THNSL2: variants seen among roughly 807,000 people sequenced by gnomAD.
THNSL2 encodes the protein threonine synthase like 2.
In THNSL2, 34 loss-of-function variants were observed where a neutral mutation model predicts 40.0. That is an observed-to-expected ratio of 0.85 (90% confidence interval 0.65 to 1.13). THNSL2 has a LOEUF of 1.13. Among genes scored for constraint, THNSL2 ranks in the 50% most tolerant of loss-of-function variants. The pLI, the probability that THNSL2 is intolerant of heterozygous loss-of-function variation, is 0.00. For missense variants in THNSL2, 537 were observed against 608.8 expected, an observed-to-expected ratio of 0.88 and a Z score of 1.24; for synonymous variants, 241 against 247.5, an observed-to-expected ratio of 0.97 and a Z score of 0.25.
chr2:88,175,448 A>G (rs369425655), intron 4 of THNSL2, 47 bp downstream of exon 4: 3 of 1,597,874 alleles, frequency 1.9e-6, no homozygotes, highest in Non-Finnish European at 2.6e-6. Flanking sequence ...CCCTGCCTTA[A>G]TTGGGTTTGC....
chr2:88,185,997 C>T lies in THNSL2; in HGVS notation c.1329C>T (p.Ala443=), dbSNP rs368148454. The change falls in exon 9 of 9, where the codon GCC becomes GCT. Residue 443 remains alanine (A), a synonymous_variant. Coordinates refer to ENST00000674334, the MANE Select transcript of THNSL2 (RefSeq NM_018271.5). The part of the protein sequence containing the change: ...LTPETPAEIV[A]LEHKETRCTL... ...CTGAGACTCCCGCGGAGATCGTAGC[C>T]CTGGAGCACAAGGAGACACGCTGCA... The T allele has an allele frequency of 2.4e-5, 39 of 1,612,192 alleles. No homozygotes were observed. The highest frequency in any genetic ancestry group is 3.2e-5 in the Non-Finnish European group (38 of 1,179,478).
intron 3 of THNSL2, 100 bp from the exon 4 acceptor site, chr2:88,175,149 A>G (rs1676779439): frequency 7.8e-7 from 1 of 1,280,798 alleles, no homozygotes; most frequent in Admixed American, 2.4e-5. Context: ...TATTTGAAGT[A>G]GATGTTGCTA....
chr2:88,184,068 C>T (rs1296924078), intron 7 of THNSL2, among the ~76,000 whole-genome samples: 1 of 152,190 alleles, frequency 6.6e-6, no homozygotes, highest in Non-Finnish European at 1.5e-5. Flanking sequence ...TTTGCAAGGT[C>T]AATATCCACC....
chr2:88,172,283 G>C (rs1676455473), intron 1 of THNSL2: 1 of 152,276 alleles, frequency 6.6e-6, no homozygotes, highest in African/African-American at 2.4e-5. Context: ...ACCAGTGTTA[G>C]GCCTAAGGGG....
Position 88,186,225 on chromosome 2 carries a change from C to T in THNSL2, c.*102C>T, listed in dbSNP as rs747665892. On this transcript the variant is annotated 3_prime_UTR_variant, in exon 9 of 9. Transcript: ENST00000674334. ...CATTAAGCGTAGGTTAGGAGGTTTC[C>T]GGGAGGCTGCTCAGCTGGATCTGGA... 6.8e-5 allele frequency: 80 copies of T among 1,184,156 alleles called. No homozygotes were observed. The highest frequency in any genetic ancestry group is 1.5e-4 in the Admixed American group (7 of 47,706). 73.4% of individuals were successfully genotyped at this position (1,184,156 alleles called of 1,614,324 possible).
At chr2:88,180,123 A>T (rs1001202441) in intron 5 of THNSL2, among the ~76,000 whole-genome samples, 1 of 152,224 alleles carries the variant, frequency 6.6e-6, no homozygotes. Flanking sequence ...TTAGTGATGC[A>T]CTGAGTCGTG....
chr2:88,171,751 C>A (rs1462979115), intron 1 of THNSL2: 1 of 165,170 alleles, frequency 6.1e-6, no homozygotes, highest in Non-Finnish European at 1.3e-5. Context: ...CATATTTCAT[C>A]TCTTTGACAT....
chr2:88,177,800 C>T (rs966645573), intron 4 of THNSL2, among the ~76,000 whole-genome samples: 2 of 152,144 alleles, frequency 1.3e-5, no homozygotes, highest in Non-Finnish European at 2.9e-5. Context: ...GTTCACTGAT[C>T]GGAATTTATT....
chr2:88,171,106 G>A (rs750921734), intron 1 of THNSL2: 23 of 344,178 alleles, frequency 6.7e-5, no homozygotes, highest in Non-Finnish European at 1.1e-4. Flanking sequence ...CCCATGCTTG[G>A]AGCCCTCATA....
chr2:88,185,828 C>A, intron 8 of THNSL2, 70 bp from the exon 9 acceptor site: 1 of 1,542,362 alleles, frequency 6.5e-7, no homozygotes, highest in South Asian at 1.2e-5. Context: ...TATTCCTCCT[C>A]CACCTTCTCC....
In THNSL2 at chr2:88,178,957, A is replaced by G. The variant is rs746157304; in HGVS notation, c.746A>G (p.His249Arg). The change falls in exon 5 of 9, where the codon CAT becomes CGT. Residue 249 changes from histidine (H) to arginine (R), a missense_variant. Transcript: ENST00000674334. Reference protein sequence around the residue: ...YFQCTPSLDTHPLPLVEVVVP... With the variant: ...YFQCTPSLDTRPLPLVEVVVP... ...CAGTGTACGCCATCCTTGGACACAC[A>G]TCCCCTACCCCTGGTGGAGGTGGTT... 4.2e-5 allele frequency: 68 copies of G among 1,614,230 alleles called. No homozygotes were observed. The East Asian group carries it at 1.5e-3, about 35-fold the overall frequency.
intron 5 of THNSL2, among the ~76,000 whole-genome samples, chr2:88,179,559 G>T (rs1677313645): frequency 6.6e-6 from 1 of 152,180 alleles, no homozygotes; most frequent in Non-Finnish European, 1.5e-5. Context: ...AAATGAGATT[G>T]TGTCACTCAT....
At chr2:88,179,083 C>T in intron 5 of THNSL2, 70 bp downstream of exon 5, 1 of 1,483,960 alleles carries the variant, frequency 6.7e-7, no homozygotes, top group Non-Finnish European at 9.4e-7. Flanking sequence ...TCTAGCTGCC[C>T]TTTGGCTGCA....
At chr2:88,183,098 G>A in intron 7 of THNSL2, 25 bp downstream of exon 7, 2 of 1,606,912 alleles carry the variant, frequency 1.2e-6, no homozygotes, top group South Asian at 1.1e-5. Context: ...ACACACCACA[G>A]AGAAAGGAAA....
chr2:88,186,102 T>C lies in THNSL2; in HGVS notation c.1434T>C (p.His478=), dbSNP rs1558903314. 1.3e-6 allele frequency: 2 copies of C among 1,557,720 alleles called. No homozygotes were observed. Among genetic ancestry groups the C allele is most frequent in the Non-Finnish European group, 1.7e-6 (2 of 1,150,208 alleles). The change falls in exon 9 of 9, where the codon CAT becomes CAC. Residue 478 remains histidine (H), a synonymous_variant. Transcript: ENST00000674334. ...ACCTTAGCCGACAGTGGAGGAGTCA[T>C]GCCCTCAACACCTCCCAGTAGCCTG... ...IEDLSRQWRS[H]ALNTSQ is the part of the protein sequence containing the mutation.
At chr2:88,183,797 A>AG (rs1677965108) in intron 7 of THNSL2, 2 of 151,550 alleles carry the variant, frequency 1.3e-5, no homozygotes, top group Non-Finnish European at 2.9e-5. Context: ...AAAAAAAAAA[A>AG]AGGATTTCTG....
chr2:88,174,804 A>G lies in THNSL2; in HGVS notation c.389A>G (p.Lys130Arg), dbSNP rs111555319. 6.2e-7 allele frequency: 1 copy of G among 1,614,194 alleles called. No individual in the cohort carries two copies. Among genetic ancestry groups the G allele is most frequent in the Non-Finnish European group, 8.5e-7 (1 of 1,180,010 alleles). Residue 130 changes from lysine (K) to arginine (R), a missense_variant, in exon 3 of 9, where the codon AAG (lysine) becomes AGG (arginine). Physicochemically the swap from Lys to Arg is conservative, Grantham distance 26 (BLOSUM62 2). Coordinates refer to ENST00000674334, the MANE Select transcript of THNSL2 (RefSeq NM_018271.5). ...CAGTTCCTGCAGTACTTCCTGGAGA[A>G]GAGGGAGAAGCACGTCACTGTGGTT... ...TTQFLQYFLE[K>R]REKHVTVVVG... is the part of the protein sequence containing the mutation.
intron 1 of THNSL2, chr2:88,171,131 C>T (rs1474863976): frequency 2.6e-6 from 1 of 384,640 alleles, no homozygotes; most frequent in Non-Finnish European, 5.4e-6. Flanking sequence ...AGCCCAACAA[C>T]AGCACTTGAT....
chr2:88,183,104 G>A, intron 7 of THNSL2, 31 bp downstream of exon 7: 1 of 1,605,184 alleles, frequency 6.2e-7, no homozygotes, highest in African/African-American at 1.3e-5. Flanking sequence ...CACAGAGAAA[G>A]GAAAGGGTAC....
Sources: gnomAD v4.1 joint callset for allele counts (sites outside exome capture counted in the v4.1 genomes callset) on GRCh38, gnomAD v4.1.1 for gene constraint, MANE v1.5 for transcripts, NCBI Gene and HGNC (gene_info 2026-07-23, HGNC 2026-07-21) for gene names.